PALS1: variants seen among roughly 807,000 people sequenced by gnomAD.
PALS1 encodes protein associated with LIN7 1, MAGUK p55 family member.
A neutral mutation model predicts 78.9 loss-of-function variants in PALS1; 31 were observed. That is an observed-to-expected ratio of 0.39 (90% CI 0.30 to 0.53). The LOEUF (loss-of-function observed/expected upper bound fraction) is 0.53. Ranked by LOEUF, PALS1 falls within the 20% of genes least tolerant of loss-of-function variation. PALS1 has a pLI of 0.67. For missense variants in PALS1, 704 were observed against 826.5 expected, an observed-to-expected ratio of 0.85 and a Z score of 1.82; for synonymous variants, 276 against 270.9, an observed-to-expected ratio of 1.02 and a Z score of -0.18.
chr14:67,319,297 T>C (rs1441366144), intron 11 of PALS1, among the ~76,000 whole-genome samples: 4 of 152,168 alleles, frequency 2.6e-5, no homozygotes, highest in African/African-American at 9.7e-5. Context: ...GAGTGAGGAC[T>C]TGGCAGGCTA....
chr14:67,257,599 A>AT (rs1383841816), intron 1 of PALS1, among the ~76,000 whole-genome samples: 1 of 148,922 alleles, frequency 6.7e-6, no homozygotes, highest in African/African-American at 2.5e-5. Context: ...ACAGATAACT[A>AT]AAAAAAAAAG....
In PALS1 at chr14:67,333,098, T is replaced by C; in HGVS notation, c.*142T>C. 1 of 674,390 alleles carries C rather than the reference T, an allele frequency of 1.5e-6. No homozygotes were observed. 41.8% of individuals were successfully genotyped at this position (674,390 alleles called of 1,614,324 possible). A position where few individuals can be genotyped will look rare whatever the true frequency, so the allele number is the denominator to read the frequency against. ...AGATCTGTTCTTAGATCTCTTGAAT[T>C]AGTGAGACGACAGTTCCCTTAGGCA... On this transcript the variant is annotated 3_prime_UTR_variant, in exon 15 of 15. Coordinates refer to ENST00000261681, the MANE Select transcript of PALS1 (RefSeq NM_022474.4).
chr14:67,323,232 C>CGTGTGTATGTGTGTGT (rs2085291204), intron 13 of PALS1, among the ~76,000 whole-genome samples: 2 of 143,592 alleles, frequency 1.4e-5, no homozygotes, highest in Middle Eastern at 3.2e-3. Flanking sequence ...CATATATACA[C>CGTGTGTATGTGTGTGT]GTGTGTGTGT....
intron 13 of PALS1, among the ~76,000 whole-genome samples, chr14:67,323,261 G>GTGTGTGTA (rs1429954753): frequency 9.9e-4 from 123 of 124,186 alleles, no homozygotes; most frequent in Non-Finnish European, 1.1e-3. Context: ...GTGTGTGTGT[G>GTGTGTGTA]TATATATATA....
At chr14:67,265,226 C>G (rs1166202202) in intron 1 of PALS1, among the ~76,000 whole-genome samples, 1 of 152,110 alleles carries the variant, frequency 6.6e-6, no homozygotes, top group Non-Finnish European at 1.5e-5. Flanking sequence ...TTTAGAAATG[C>G]CTTTTATTAT....
At position 67,268,725 on chromosome 14, in the gene PALS1, C is replaced by T. The variant is rs183765631; in HGVS notation, c.-236-976C>T. On this transcript the variant is annotated intron_variant, in intron 1 of 14. Coordinates refer to ENST00000261681, the MANE Select transcript of PALS1 (RefSeq NM_022474.4). ...CACAACCAGAGGTCGGGATTTGCCTCGCTTCTTTACCCCAACCTGTTTTGT... is the reference window on the plus strand; with the variant it reads ...CACAACCAGAGGTCGGGATTTGCCTTGCTTCTTTACCCCAACCTGTTTTGT... 2.0e-3 allele frequency among the ~76,000 whole-genome samples: 301 copies of T among 152,260 alleles called. 2 individuals carry two copies. The highest frequency in any genetic ancestry group is 2.1e-3 in the East Asian group (11 of 5,186).
chr14:67,292,922 T>C (rs969973151), intron 4 of PALS1, among the ~76,000 whole-genome samples: 1 of 152,178 alleles, frequency 6.6e-6, no homozygotes, highest in Non-Finnish European at 1.5e-5. Context: ...CAGAACACTG[T>C]TTCATGAAGA....
At chr14:67,325,721 T>C (rs1050569259) in intron 14 of PALS1, among the ~76,000 whole-genome samples, 1 of 152,184 alleles carries the variant, frequency 6.6e-6, no homozygotes, top group African/African-American at 2.4e-5. Flanking sequence ...TGCACACTTA[T>C]TTCTTTTTAG....
intron 2 of PALS1, among the ~76,000 whole-genome samples, chr14:67,275,906 G>A (rs367580270): frequency 1.3e-4 from 20 of 152,224 alleles, no homozygotes; most frequent in East Asian, 3.9e-4. Flanking sequence ...CTTTATTTGC[G>A]TAGAGGTGTT....
intron 1 of PALS1, chr14:67,241,994 CT>C (rs772489618): frequency 2.6e-5 from 4 of 152,228 alleles, no homozygotes; most frequent in Non-Finnish European, 5.9e-5. Context: ...TGGTATTCTG[CT>C]GCTCATTGCG....
At chr14:67,243,060 T>A (rs1273981274) in intron 1 of PALS1, among the ~76,000 whole-genome samples, 1 of 152,208 alleles carries the variant, frequency 6.6e-6, no homozygotes, top group Non-Finnish European at 1.5e-5. Flanking sequence ...TTATCACCCA[T>A]TCCAAGAAAT....
chr14:67,328,836 T>C (rs2085399412), intron 14 of PALS1, among the ~76,000 whole-genome samples: 1 of 152,216 alleles, frequency 6.6e-6, no homozygotes, highest in South Asian at 2.1e-4. Flanking sequence ...CATTGGTCTG[T>C]ATCTCTGTTT....
intron 11 of PALS1, 68 bp from the exon 12 acceptor site, chr14:67,320,162 A>T (rs1015573063): frequency 7.0e-7 from 1 of 1,420,614 alleles, no homozygotes; most frequent in Non-Finnish European, 9.4e-7. Flanking sequence ...GTGAAGATCT[A>T]TGAGTATTTA....
At chr14:67,305,287 T>G (rs7160238) in intron 8 of PALS1, among the ~76,000 whole-genome samples, 23,429 of 146,818 alleles carry the variant, frequency 0.16, 3,383 homozygotes, top group East Asian at 0.42. Context: ...AGTTAAGACA[T>G]TTTTTTTTTT....
At chr14:67,321,461 C>T (rs1233990756) in intron 13 of PALS1, among the ~76,000 whole-genome samples, 8 of 152,206 alleles carry the variant, frequency 5.3e-5, no homozygotes, top group Non-Finnish European at 8.8e-5. Context: ...TACATACTTA[C>T]ATATACAGGT....
chr14:67,260,001 G>A (rs2084210711), intron 1 of PALS1, among the ~76,000 whole-genome samples: 1 of 151,636 alleles, frequency 6.6e-6, no homozygotes, highest in Non-Finnish European at 1.5e-5. Flanking sequence ...TTCCAGTCTT[G>A]GAAACATTGT....
chr14:67,277,254 G>A (rs931881949), intron 2 of PALS1, among the ~76,000 whole-genome samples: 3 of 152,072 alleles, frequency 2.0e-5, no homozygotes, highest in African/African-American at 7.2e-5. Flanking sequence ...GTAGATCACA[G>A]TTAGAAAGAA....
At chr14:67,284,490 A>T (rs1335678927) in intron 3 of PALS1, among the ~76,000 whole-genome samples, 1 of 128,238 alleles carries the variant, frequency 7.8e-6, no homozygotes, top group Admixed American at 9.1e-5. Flanking sequence ...CATACTAGGG[A>T]GGCTGAGGCA....
chr14:67,325,869 C>T (rs374068904), intron 14 of PALS1, among the ~76,000 whole-genome samples: 115 of 150,914 alleles, frequency 7.6e-4, no homozygotes, highest in South Asian at 6.1e-3. Context: ...AATGCAGTGG[C>T]GTAATCTTGG....
Sources: allele counts gnomAD v4.1 joint callset (sites outside exome capture counted in the v4.1 genomes callset), GRCh38; gene constraint gnomAD v4.1.1; transcripts MANE v1.5; gene names NCBI Gene and HGNC (gene_info 2026-07-23, HGNC 2026-07-21).